The following CDK13 variants were observed in gnomAD, a reference collection of about 807,000 sequenced individuals.
CDK13 encodes the protein cyclin-dependent kinase 13.
Under a neutral mutation model 137.6 loss-of-function variants are expected in CDK13, and 40 were observed. That is an observed-to-expected ratio of 0.29 (90% CI 0.23 to 0.38). The LOEUF (loss-of-function observed/expected upper bound fraction) is 0.38, where lower values mean the gene tolerates loss of function less well. CDK13 is among the 10% of genes least tolerant of loss of function. CDK13 has a pLI of 1.00. For synonymous variants in CDK13, 869 were observed against 760.1 expected (o/e 1.14, Z -2.36); for missense variants, 1,704 against 1,951.8 (o/e 0.87, Z 2.39).
chr7:39,996,861 G>A (rs17537831), intron 2 of CDK13, among the ~76,000 whole-genome samples: 16,568 of 148,990 alleles, frequency 0.11, 3,014 homozygotes, highest in African/African-American at 0.38. Flanking sequence ...TATTTGGGAG[G>A]CTTGAGACAA....
chr7:39,957,242 G>T (rs920033506), intron 1 of CDK13, among the ~76,000 whole-genome samples: 6 of 152,108 alleles, frequency 3.9e-5, no homozygotes, highest in African/African-American at 1.4e-4. Flanking sequence ...GAGCCAGTGT[G>T]TCCAGCCTTA....
At chr7:39,960,251 T>C (rs1340161779) in intron 1 of CDK13, among the ~76,000 whole-genome samples, 2 of 151,832 alleles carry the variant, frequency 1.3e-5, no homozygotes, top group African/African-American at 4.8e-5. Context: ...CAGAATCAAA[T>C]ACTTTTTTTT....
intron 5 of CDK13, among the ~76,000 whole-genome samples, chr7:40,018,053 A>G (rs1785039391): frequency 6.6e-6 from 1 of 152,092 alleles, no homozygotes; most frequent in African/African-American, 2.4e-5. Flanking sequence ...TCTGGTGGAT[A>G]AAGATCGCCT....
chr7:40,039,239 TAG>T lies in CDK13; in HGVS notation c.2354-6592_2354-6591del, dbSNP rs780968394. Among the ~76,000 whole-genome samples, 140 of 151,914 alleles carry T rather than the reference TAG, an allele frequency of 9.2e-4. 1 individual carries two copies. Among genetic ancestry groups the T allele is most frequent in the Non-Finnish European group, 1.1e-3 (73 of 67,942 alleles). Reference sequence around the variant, plus strand: ...TCGTTGATCTTTTTTCCCCCTAATTTAGAGAGTTTTTATTTTATTTATATATA... The same window carrying T: ...TCGTTGATCTTTTTTCCCCCTAATTTAGAGTTTTTATTTTATTTATATATA... On this transcript the variant is annotated intron_variant, in intron 5 of 13. Coordinates refer to ENST00000181839, the MANE Select transcript of CDK13 (RefSeq NM_003718.5).
chr7:40,062,575 C>T (rs901460090), intron 7 of CDK13: 1 of 373,658 alleles, frequency 2.7e-6, no homozygotes, highest in African/African-American at 2.1e-5. Flanking sequence ...CCACCGTGCC[C>T]AGCCTATCAG....
chr7:40,023,645 G>A (rs977365851), intron 5 of CDK13, among the ~76,000 whole-genome samples: 30 of 152,056 alleles, frequency 2.0e-4, no homozygotes, highest in African/African-American at 5.8e-4. Context: ...GACTGCAGGC[G>A]CCCGCCACCA....
chr7:39,964,876 T>C (rs1783833196), intron 1 of CDK13, among the ~76,000 whole-genome samples: 1 of 152,228 alleles, frequency 6.6e-6, no homozygotes. Flanking sequence ...TTCATTTCGT[T>C]ATGTATCCAG....
chr7:40,091,674 A>G (rs1313661902), intron 12 of CDK13, among the ~76,000 whole-genome samples: 1 of 152,218 alleles, frequency 6.6e-6, no homozygotes, highest in East Asian at 1.9e-4. Flanking sequence ...ATATGGAGAG[A>G]CTACCTGTGG....
intron 5 of CDK13, among the ~76,000 whole-genome samples, chr7:40,020,591 A>G (rs1785096456): frequency 6.6e-6 from 1 of 152,214 alleles, no homozygotes; most frequent in African/African-American, 2.4e-5. Flanking sequence ...TTGAGGTTAC[A>G]CATACTTCTT....
chr7:39,962,429 GTCT>G (rs1783767114), intron 1 of CDK13, among the ~76,000 whole-genome samples: 1 of 152,208 alleles, frequency 6.6e-6, no homozygotes, highest in Admixed American at 6.5e-5. Context: ...CTGCATAAAT[GTCT>G]TCTTTCGAGA....
rs1292907147 is a variant in CDK13 at position 40,097,243 on chromosome 7, G to A, written c.*2263G>A. On this transcript the variant is annotated 3_prime_UTR_variant, in exon 14 of 14. Coordinates refer to ENST00000181839, the MANE Select transcript of CDK13 (RefSeq NM_003718.5). ...GCTTTGACATTGAAAATTTGAACTAGAACTTCTAATATTATCCTTACACAG... is the reference window on the plus strand; with the variant it reads ...GCTTTGACATTGAAAATTTGAACTAAAACTTCTAATATTATCCTTACACAG... 2 of 151,946 alleles carry A rather than the reference G, an allele frequency of 1.3e-5. No individual in the cohort carries two copies. The highest frequency in any genetic ancestry group is 2.9e-5 in the Non-Finnish European group (2 of 67,960). 9.4% of individuals were successfully genotyped at this position (151,946 alleles called of 1,614,324 possible).
At chr7:39,961,831 C>T (rs1434327342) in intron 1 of CDK13, among the ~76,000 whole-genome samples, 5 of 152,100 alleles carry the variant, frequency 3.3e-5, no homozygotes, top group Non-Finnish European at 7.4e-5. Flanking sequence ...GTTCCCCTTC[C>T]AGTGTCCATG....
intron 4 of CDK13, 47 bp downstream of exon 4, chr7:39,999,547 T>G: frequency 6.5e-7 from 1 of 1,528,270 alleles, no homozygotes; most frequent in Non-Finnish European, 8.8e-7. Context: ...GGAATGTACT[T>G]AGTTTGTGTT....
At chr7:39,968,776 G>T (rs966531531) in intron 1 of CDK13, among the ~76,000 whole-genome samples, 1 of 152,112 alleles carries the variant, frequency 6.6e-6, no homozygotes, top group African/African-American at 2.4e-5. Flanking sequence ...GATTGCTTTG[G>T]CCATTTGGGA....
chr7:40,084,956 C>T (rs1786751330), intron 11 of CDK13, among the ~76,000 whole-genome samples: 1 of 152,226 alleles, frequency 6.6e-6, no homozygotes, highest in South Asian at 2.1e-4. Flanking sequence ...GAAGACATTC[C>T]TGATCCATCT....
intron 5 of CDK13, among the ~76,000 whole-genome samples, chr7:40,008,585 G>GA (rs1439314551): frequency 6.6e-6 from 1 of 152,170 alleles, no homozygotes; most frequent in Admixed American, 6.5e-5. Flanking sequence ...CAAAAGAAGT[G>GA]AAAAAACTTA....
rs2116070119 is a variant in CDK13 at position 39,951,676 on chromosome 7, A to G, written c.1035A>G (p.Gly345=). Residue 345 remains glycine, a synonymous_variant, in exon 1 of 14, where the codon GGA becomes GGG. Transcript: ENST00000181839. ...LRSRKSPSPA[G]GGSSPYSRRL... The stretch of plus-strand genomic sequence containing the variant: ...GCCGCAAGTCCCCCAGCCCGGCAGG[A>G]GGTGGCAGCAGCCCCTATTCTCGGC... The G allele has an allele frequency of 6.8e-7, 1 of 1,466,388 alleles. No homozygotes were observed. The highest frequency in any genetic ancestry group is 2.7e-5 in the East Asian group (1 of 37,424). 90.8% of individuals were successfully genotyped at this position (1,466,388 alleles called of 1,614,324 possible).
chr7:40,078,696 AC>A (rs1193425290), intron 10 of CDK13, 23 bp from the exon 11 acceptor site: 8 of 1,421,272 alleles, frequency 5.6e-6, no homozygotes, highest in Non-Finnish European at 7.4e-6. Context: ...AACACATCTA[AC>A]TTTTGTAATC....
intron 1 of CDK13, among the ~76,000 whole-genome samples, chr7:39,965,238 A>G (rs1198367099): frequency 6.6e-6 from 1 of 152,116 alleles, no homozygotes; most frequent in Non-Finnish European, 1.5e-5. Flanking sequence ...AAAGTCTCCC[A>G]TTATTTTTGT....
Sources: allele counts gnomAD v4.1 joint callset (sites outside exome capture counted in the v4.1 genomes callset), GRCh38; gene constraint gnomAD v4.1.1; transcripts MANE v1.5; gene names NCBI Gene and HGNC (gene_info 2026-07-23, HGNC 2026-07-21).